ITGA5: variants seen among roughly 807,000 people sequenced by gnomAD.
ITGA5 encodes the protein integrin alpha-5.
ITGA5 carries 55 observed loss-of-function variants against 146.3 expected under a neutral mutation model. The observed-to-expected ratio is 0.38, with a 90% CI of 0.30 to 0.47. The LOEUF (loss-of-function observed/expected upper bound fraction) is 0.47. ITGA5 is among the 20% of genes least tolerant of loss of function. The probability of loss-of-function intolerance (pLI) is 0.99; values close to 1 mark genes in which losing one functional copy is unlikely to be tolerated. For synonymous variants in ITGA5, 500 were observed against 531.8 expected, an observed-to-expected ratio of 0.94 and a Z score of 0.82; for missense variants, 1,131 against 1,329.0, an observed-to-expected ratio of 0.85 and a Z score of 2.32.
At chr12:54,402,922 C>A (rs911640062) in intron 19 of ITGA5, 61 bp downstream of exon 19, 5 of 1,411,560 alleles carry the variant, frequency 3.5e-6, no homozygotes, top group Non-Finnish European at 5.0e-6. Flanking sequence ...ATGTCCCTAG[C>A]TGATTTTTTC....
chr12:54,408,828 C>T (rs778361806), intron 5 of ITGA5, 27 bp from the exon 6 acceptor site: 3 of 1,611,990 alleles, frequency 1.9e-6, no homozygotes, highest in African/African-American at 1.3e-5. Flanking sequence ...GGGAGTCCAA[C>T]ATCTGGTCCC....
chr12:54,409,712 T>C lies in ITGA5; in HGVS notation c.350-115A>G. The C allele has an allele frequency of 1.6e-6, 1 of 642,668 alleles. No homozygotes were observed. Among genetic ancestry groups the C allele is most frequent in the South Asian group, 1.9e-5 (1 of 53,744 alleles). 39.8% of individuals were successfully genotyped at this position (642,668 alleles called of 1,614,324 possible). A position where few individuals can be genotyped will look rare whatever the true frequency, so the allele number is the denominator to read the frequency against. On this transcript the variant is annotated intron_variant, in intron 2 of 29. Transcript: ENST00000293379. This position sits in a 1 kb window ranked among gnomAD's most constrained non-coding sequence, Gnocchi z 4.7. Reference sequence around the variant, plus strand: ...AACGCTTCCAAGCCCTGAGACTCCATGACTCGCTGGGAGTGTGGAATTGGT... The same window carrying C: ...AACGCTTCCAAGCCCTGAGACTCCACGACTCGCTGGGAGTGTGGAATTGGT...
chr12:54,396,859 T>G (rs1429432259), intron 29 of ITGA5, among the ~76,000 whole-genome samples: 2 of 145,988 alleles, frequency 1.4e-5, no homozygotes, highest in Non-Finnish European at 3.0e-5. Context: ...AATCTTTGTG[T>G]TTTTTTTGTA....
intron 25 of ITGA5, 58 bp from the exon 26 acceptor site, chr12:54,400,005 G>A (rs1955767791): frequency 7.9e-7 from 1 of 1,265,256 alleles, no homozygotes; most frequent in East Asian, 2.3e-5. Context: ...AAGTCAGCTT[G>A]CACCTGGGTT....
chr12:54,397,877 A>G (rs1955731814), intron 28 of ITGA5, among the ~76,000 whole-genome samples: 1 of 151,292 alleles, frequency 6.6e-6, no homozygotes, highest in Admixed American at 6.6e-5. Context: ...ATTGTCTCTT[A>G]CTTTCGGGCT....
rs1955886244 is a variant in ITGA5 at position 54,407,883 on chromosome 12, G to A, written c.818-7C>T. On this transcript the variant is annotated splice_region_variant and splice_polypyrimidine_tract_variant and intron_variant, in intron 7 of 29. Transcript: ENST00000293379. ...CCAACAGCCACAGAGTATCCTGGGG[G>A]ACAGGGTGGGTGGATGTTAGGATTC... 6.4e-7 allele frequency: 1 copy of A among 1,574,028 alleles called. No individual in the cohort carries two copies. Among genetic ancestry groups the A allele is most frequent in the Non-Finnish European group, 8.6e-7 (1 of 1,158,340 alleles).
chr12:54,398,343 C>T (rs998897994), intron 28 of ITGA5, among the ~76,000 whole-genome samples: 1 of 152,164 alleles, frequency 6.6e-6, no homozygotes, highest in African/African-American at 2.4e-5. Context: ...TTCAGGTGTT[C>T]CTATTATGTG....
Position 54,400,898 on chromosome 12 carries a change from A to G in ITGA5, c.2591T>C (p.Val864Ala). Residue 864 changes from valine (V) to alanine (A), a missense_variant, in exon 25 of 30, where the codon GTT (valine) becomes GCT (alanine). By Grantham distance (64) the Val-to-Ala change is moderately conservative (BLOSUM62 0). This residue lies in a region of ITGA5 where 889 missense variants were observed against 1,021.5 expected (regional missense o/e 0.87). Coordinates refer to ENST00000293379, the MANE Select transcript of ITGA5 (RefSeq NM_002205.5). ...EGQQLLYVTRVTGLNCTTNHP... is the reference protein window; with the variant it reads ...EGQQLLYVTRATGLNCTTNHP... ...ATTGGTGGTGCAGTTGAGTCCCGTA[A>G]CTCTGGTCACATATAGGAGCTGCTG... 6.2e-7 allele frequency: 1 copy of G among 1,613,970 alleles called. No individual in the cohort carries two copies. The highest frequency in any genetic ancestry group is 8.5e-7 in the Non-Finnish European group (1 of 1,179,972).
chr12:54,409,719 C>A lies in ITGA5; in HGVS notation c.350-122G>T. On this transcript the variant is annotated intron_variant, in intron 2 of 29. Coordinates refer to ENST00000293379, the MANE Select transcript of ITGA5 (RefSeq NM_002205.5). This position sits in a 1 kb window ranked among gnomAD's most constrained non-coding sequence, Gnocchi z 4.7. ...CCAAGCCCTGAGACTCCATGACTCG[C>A]TGGGAGTGTGGAATTGGTAAGGAGC... 1.6e-6 allele frequency: 1 copy of A among 628,840 alleles called. No homozygotes were observed. Among genetic ancestry groups the A allele is most frequent in the East Asian group, 2.7e-5 (1 of 36,480 alleles). The allele number at this position is 628,840 out of a possible 1,614,324, so 39.0% of individuals were successfully genotyped here. A position where few individuals can be genotyped will look rare whatever the true frequency, so the allele number is the denominator to read the frequency against.
intron 2 of ITGA5, among the ~76,000 whole-genome samples, chr12:54,410,684 G>A (rs911909921): frequency 2.0e-5 from 3 of 150,516 alleles, no homozygotes; most frequent in African/African-American, 7.3e-5. Context: ...TCAACCTCCC[G>A]AGTAGCTGGG....
In ITGA5 at chr12:54,409,248, A is replaced by G. The variant is rs1398519715; in HGVS notation, c.567T>C (p.Tyr189=). 1 of 1,613,358 alleles carries G rather than the reference A, an allele frequency of 6.2e-7. No individual in the cohort carries two copies. Among genetic ancestry groups the G allele is most frequent in the African/African-American group, 1.3e-5 (1 of 74,918 alleles). ...TGCCCCTACCTGAGCGGCAGGGTGC[A>G]TACTCCAGAATTCGGGTGAAGTTAT... The part of the protein sequence containing the change: ...STDNFTRILE[Y]APCRSDFSWA... Residue 189 remains tyrosine, a synonymous_variant, in exon 4 of 30, where the codon TAT becomes TAC. Transcript: ENST00000293379. This position sits in a 1 kb window ranked among gnomAD's most constrained non-coding sequence, Gnocchi z 4.7.
At position 54,405,892 on chromosome 12, in the gene ITGA5, A is replaced by T; in HGVS notation, c.941T>A (p.Leu314His). Reference sequence around the variant, plus strand: ...TACCTGTTCCCCTGAGAAGTTGTAGAGGGATCGAATGTCTGAGCCATTAAG... The same window carrying T: ...TACCTGTTCCCCTGAGAAGTTGTAGTGGGATCGAATGTCTGAGCCATTAAG... ...TILNGSDIRSLYNFSGEQMAS... is the reference protein window; with the variant it reads ...TILNGSDIRSHYNFSGEQMAS... The change falls in exon 10 of 30, where the codon CTC becomes CAC. Residue 314 changes from leucine to histidine, a missense_variant. By Grantham distance (99) the Leu-to-His change is moderately conservative. Transcript: ENST00000293379. 1.9e-6 allele frequency: 3 copies of T among 1,614,068 alleles called. No individual in the cohort carries two copies. Among genetic ancestry groups the T allele is most frequent in the Non-Finnish European group, 2.5e-6 (3 of 1,179,968 alleles).
intron 14 of ITGA5, 41 bp from the exon 15 acceptor site, chr12:54,404,287 T>C: frequency 6.3e-7 from 1 of 1,586,360 alleles, no homozygotes. Flanking sequence ...TTAGGACTCC[T>C]CTGTAACCTG....
chr12:54,396,346 C>T lies in ITGA5; in HGVS notation c.3097G>A (p.Gly1033Ser), dbSNP rs1231829539. Residue 1033 changes from glycine to serine, a missense_variant, in exon 30 of 30, where the codon GGC (glycine) becomes AGC (serine). By Grantham distance (56) the Gly-to-Ser change is moderately conservative (BLOSUM62 0). Transcript: ENST00000293379. ...LGFFKRSLPY[G>S]TAMEKAQLKP... is the part of the protein sequence containing the mutation. Reference sequence around the variant, plus strand: ...AGCTGAGCTTTTTCCATGGCGGTGCCATATGGGAGGGAGCGTTTGAAGAAT... The same window carrying T: ...AGCTGAGCTTTTTCCATGGCGGTGCTATATGGGAGGGAGCGTTTGAAGAAT... 6.2e-7 allele frequency: 1 copy of T among 1,613,868 alleles called. No homozygotes were observed. The highest frequency in any genetic ancestry group is 1.3e-5 in the African/African-American group (1 of 74,880).
chr12:54,407,393 C>T (rs191393609), intron 9 of ITGA5: 34 of 529,960 alleles, frequency 6.4e-5, no homozygotes, highest in African/African-American at 6.0e-4. Context: ...TTCATCCTTG[C>T]CAGAGCCTCG....
At chr12:54,405,843 T>G (rs762670332) in intron 10 of ITGA5, 27 bp downstream of exon 10, 26 of 1,611,310 alleles carry the variant, frequency 1.6e-5, no homozygotes, top group Non-Finnish European at 2.2e-5. Context: ...GAGGCCAAGC[T>G]GGGGTGGGGT....
At chr12:54,407,807 G>A (rs1051174807) in intron 8 of ITGA5, 25 bp downstream of exon 8, 2 of 1,609,622 alleles carry the variant, frequency 1.2e-6, no homozygotes, top group Non-Finnish European at 1.7e-6. Context: ...CCCCTCCCTT[G>A]GCCCCAGCCT....
chr12:54,407,386 A>G, intron 9 of ITGA5: 1 of 520,188 alleles, frequency 1.9e-6, no homozygotes, highest in South Asian at 2.5e-5. Context: ...TTCTCATTTC[A>G]TCCTTGCCAG....
chr12:54,408,914 G>T lies in ITGA5; in HGVS notation c.624C>A (p.Gly208=). The stretch of plus-strand genomic sequence containing the variant: ...TCACCTTGGTGAACTCGGCACTGAA[G>T]CCTCCTTGGCAGTAACCCTGTCCTG... The part of the protein sequence containing the change: ...WAAGQGYCQG[G]FSAEFTKTGR... The change falls in exon 5 of 30, where the codon GGC becomes GGA. Residue 208 remains glycine (G), a synonymous_variant. Coordinates refer to ENST00000293379, the MANE Select transcript of ITGA5 (RefSeq NM_002205.5). The T allele has an allele frequency of 4.3e-6, 7 of 1,614,116 alleles. No individual in the cohort carries two copies. Among genetic ancestry groups the T allele is most frequent in the Non-Finnish European group, 5.9e-6 (7 of 1,180,016 alleles).
Sources: allele counts gnomAD v4.1 joint callset (sites outside exome capture counted in the v4.1 genomes callset), GRCh38; gene constraint gnomAD v4.1.1; regional missense constraint gnomAD v4.1.1; non-coding constraint Gnocchi (gnomAD v3.1); transcripts MANE v1.5; gene names NCBI Gene and HGNC (gene_info 2026-07-23, HGNC 2026-07-21).